HRH1: variants seen among roughly 807,000 people sequenced by gnomAD.
HRH1 encodes histamine receptor H1.
A neutral mutation model predicts 10.3 loss-of-function variants in HRH1; 6 were observed. The observed-to-expected ratio is 0.58, with a 90% CI of 0.32 to 1.15. HRH1 has a LOEUF of 1.15. Among genes scored for constraint, HRH1 ranks in the 50% most tolerant of loss-of-function variants. HRH1 has a pLI of 0.05. For missense variants in HRH1, 514 were observed against 615.3 expected (o/e 0.84, Z 1.74); for synonymous variants, 242 against 236.7 (o/e 1.02, Z -0.21).
upstream of HRH1, among the ~76,000 whole-genome samples, chr3:11,153,192 T>G (rs58679099): frequency 0.013 from 1,968 of 152,322 alleles, 48 homozygotes; most frequent in African/African-American, 0.045. Context: ...TCAATCTCTC[T>G]GTGCCTTCAT....
chr3:11,206,462 C>G (rs886179540), intron 1 of HRH1, among the ~76,000 whole-genome samples: 3 of 152,268 alleles, frequency 2.0e-5, no homozygotes, highest in Admixed American at 1.3e-4. Flanking sequence ...CTGGCCTGGA[C>G]TTCCTCCCAG....
At chr3:11,254,185 C>G (rs753427392) in intron 1 of HRH1, among the ~76,000 whole-genome samples, 2 of 152,166 alleles carry the variant, frequency 1.3e-5, no homozygotes, top group African/African-American at 4.8e-5. Flanking sequence ...GGGGCTCAAT[C>G]TCTCTTACTA....
chr3:11,217,512 G>A (rs1938551899), intron 1 of HRH1, among the ~76,000 whole-genome samples: 1 of 152,170 alleles, frequency 6.6e-6, no homozygotes, highest in Admixed American at 6.5e-5. Context: ...TTGGGTGACA[G>A]AGCGAGACTT....
rs1461588167 is a variant in HRH1 at position 11,263,520 on chromosome 3, C to T, written c.*3019C>T. 1 of 157,380 alleles carries T rather than the reference C, an allele frequency of 6.4e-6. No homozygotes were observed. Among genetic ancestry groups the T allele is most frequent in the Non-Finnish European group, 1.5e-5 (1 of 68,040 alleles). The allele number at this position is 157,380 out of a possible 1,614,324, so 9.7% of individuals were successfully genotyped here. A position where few individuals can be genotyped will look rare whatever the true frequency, so the allele number is the denominator to read the frequency against. Reference sequence around the variant, plus strand: ...TGGGCACCATGGTGAAATCCTGTCTCTACTAAAAATAAAAAATTAGCCAGG... The same window carrying T: ...TGGGCACCATGGTGAAATCCTGTCTTTACTAAAAATAAAAAATTAGCCAGG... On this transcript the variant is annotated 3_prime_UTR_variant, in exon 2 of 2. Coordinates refer to ENST00000431010, the MANE Select transcript of HRH1 (RefSeq NM_001098212.2).
intron 1 of HRH1, among the ~76,000 whole-genome samples, chr3:11,181,874 T>G (rs59770414): frequency 0.069 from 10,493 of 151,926 alleles, 818 homozygotes; most frequent in African/African-American, 0.19. Context: ...CTCGTGATCC[T>G]CCCGCCTTGG....
At chr3:11,234,357 C>T in intron 1 of HRH1, 2 of 1,597,006 alleles carry the variant, frequency 1.3e-6, no homozygotes, top group East Asian at 4.5e-5. Flanking sequence ...TCATCCTCAT[C>T]CTCTTGGGGA....
At chr3:11,143,440 A>T (rs895877834) in intron 1 of HRH1, among the ~76,000 whole-genome samples, 1 of 152,332 alleles carries the variant, frequency 6.6e-6, no homozygotes, top group South Asian at 2.1e-4. Flanking sequence ...TGAGCTCACC[A>T]TCTATCCAAC....
chr3:11,218,069 T>C (rs115594228), intron 1 of HRH1, among the ~76,000 whole-genome samples: 1,679 of 152,304 alleles, frequency 0.011, 26 homozygotes, highest in African/African-American at 0.038. Flanking sequence ...AATGAGGAAC[T>C]CACAAATTTA....
At chr3:11,182,604 C>T (rs1051242690) in intron 1 of HRH1, among the ~76,000 whole-genome samples, 8 of 152,154 alleles carry the variant, frequency 5.3e-5, no homozygotes, top group Non-Finnish European at 8.8e-5. Flanking sequence ...CTGGAATGAG[C>T]GCAGCTGCGT....
chr3:11,236,484 T>C (rs984599481), intron 1 of HRH1, among the ~76,000 whole-genome samples: 1 of 152,208 alleles, frequency 6.6e-6, no homozygotes, highest in Non-Finnish European at 1.5e-5. Context: ...GAATTACTGG[T>C]ATAGGCTGGC....
chr3:11,208,009 G>A (rs13061242), intron 1 of HRH1, among the ~76,000 whole-genome samples: 36,251 of 151,980 alleles, frequency 0.24, 4,417 homozygotes, highest in South Asian at 0.37. Flanking sequence ...GTCTTTCCAC[G>A]CAAGAGCAGG....
At chr3:11,162,954 TC>T (rs1244039275) in intron 1 of HRH1, among the ~76,000 whole-genome samples, 3 of 152,172 alleles carry the variant, frequency 2.0e-5, no homozygotes, top group Non-Finnish European at 1.5e-5. Flanking sequence ...CATCTGCACA[TC>T]TTAGTGGAGC....
rs145363604 is a variant in HRH1, at chr3:11,215,371, T to C, written c.-35-43632T>C. Among the ~76,000 whole-genome samples the C allele has an allele frequency of 2.1e-3, 322 of 152,328 alleles. 2 individuals are homozygous for C. The highest frequency in any genetic ancestry group is 7.3e-3 in the African/African-American group (302 of 41,576). On this transcript the variant is annotated intron_variant, in intron 1 of 1. Transcript: ENST00000431010. ...AGGTGACTCTTACTCATTGTACAACTGAATAGTTGGGAGCAGAAGGTGTAA... is the reference window on the plus strand; with the variant it reads ...AGGTGACTCTTACTCATTGTACAACCGAATAGTTGGGAGCAGAAGGTGTAA...
At chr3:11,224,544 A>C (rs1195663153) in intron 1 of HRH1, among the ~76,000 whole-genome samples, 1 of 152,040 alleles carries the variant, frequency 6.6e-6, no homozygotes, top group Non-Finnish European at 1.5e-5. Context: ...AAAAAATACA[A>C]AAAAAATTAG....
At chr3:11,240,942 G>A (rs1939320135) in intron 1 of HRH1, among the ~76,000 whole-genome samples, 1 of 152,168 alleles carries the variant, frequency 6.6e-6, no homozygotes, top group South Asian at 2.1e-4. Context: ...GGGAGTAGCA[G>A]GTGAGGCAGT....
upstream of HRH1, among the ~76,000 whole-genome samples, chr3:11,151,069 C>T (rs79518719): frequency 6.6e-6 from 1 of 152,222 alleles, no homozygotes. Flanking sequence ...CGGGCTGACT[C>T]TACTCCTTGA....
rs1305236652 is a variant in HRH1 at position 11,262,447 on chromosome 3, T to G, written c.*1946T>G. 6.0e-6 allele frequency: 1 copy of G among 167,136 alleles called. No homozygotes were observed. Among genetic ancestry groups the G allele is most frequent in the Non-Finnish European group, 1.5e-5 (1 of 68,128 alleles). The allele number at this position is 167,136 out of a possible 1,614,324, so 10.4% of individuals were successfully genotyped here. On this transcript the variant is annotated 3_prime_UTR_variant, in exon 2 of 2. Coordinates refer to ENST00000431010, the MANE Select transcript of HRH1 (RefSeq NM_001098212.2). ...ATGTCTTTTCAAAAGGATTTACTTT[T>G]TGTAAAAAGCTTCATTCTCACTCTG...
chr3:11,138,275 G>T (rs1936223573), intron 1 of HRH1, among the ~76,000 whole-genome samples: 1 of 151,078 alleles, frequency 6.6e-6, no homozygotes, highest in South Asian at 2.1e-4. Flanking sequence ...GCCCGCCTCG[G>T]CCTCCCAAAG....
rs377505593 is a variant in HRH1 at position 11,259,033 on chromosome 3, C to T, written c.-5C>T. 1.7e-5 allele frequency: 27 copies of T among 1,580,078 alleles called. No individual in the cohort carries two copies. The African/African-American group carries it at 2.6e-4, about 15-fold the overall frequency. ...GAGCCATAACTGGTGGCTGCTCTTGCGCCAATGAGCCTCCCCAATTCCTCC... is the reference window on the plus strand; with the variant it reads ...GAGCCATAACTGGTGGCTGCTCTTGTGCCAATGAGCCTCCCCAATTCCTCC... On this transcript the variant is annotated 5_prime_UTR_variant, in exon 2 of 2. Transcript: ENST00000431010. The surrounding 1 kb of genome is among the most constrained non-coding windows in gnomAD (Gnocchi z 4.6).
Sources: gnomAD v4.1 joint callset for allele counts (sites outside exome capture counted in the v4.1 genomes callset) on GRCh38, gnomAD v4.1.1 for gene constraint, Gnocchi (gnomAD v3.1) non-coding constraint, MANE v1.5 for transcripts, NCBI Gene and HGNC (gene_info 2026-07-23, HGNC 2026-07-21) for gene names.